Variants in SSPN observed in about 807,000 individuals in gnomAD.
SSPN encodes sarcospan, also known as K-ras oncogene-associated protein.
Under a neutral mutation model 19.1 loss-of-function variants are expected in SSPN, and 15 were observed. The ratio of observed to expected loss-of-function variants is 0.78; its 90% confidence interval spans 0.52 to 1.21. The LOEUF (loss-of-function observed/expected upper bound fraction) is 1.21, where lower values mean the gene tolerates loss of function less well. Among genes scored for constraint, SSPN ranks in the 50% most tolerant of loss-of-function variants. The pLI is 0.00. For synonymous variants in SSPN, 147 were observed against 140.3 expected (o/e 1.05, Z -0.34); for missense variants, 291 against 314.0 (o/e 0.93, Z 0.55).
At chr12:26,201,035 A>AT (rs1444272315) in intron 1 of SSPN, among the ~76,000 whole-genome samples, 3 of 56,238 alleles carry the variant, frequency 5.3e-5, no homozygotes, top group Non-Finnish European at 1.0e-4. Flanking sequence ...ATATATATAT[A>AT]TATATATATA....
chr12:26,193,300 C>T (rs1944800259), upstream of SSPN, among the ~76,000 whole-genome samples: 2 of 152,150 alleles, frequency 1.3e-5, no homozygotes, highest in South Asian at 4.1e-4. Context: ...ACATCTGGTT[C>T]CACTTACCCC....
intron 1 of SSPN, chr12:26,211,609 C>T (rs1345250135): frequency 2.0e-5 from 3 of 152,204 alleles, no homozygotes; most frequent in African/African-American, 7.2e-5. Flanking sequence ...CTCCTCTCAT[C>T]CAGCTGCTGG....
chr12:26,213,158 A>G (rs986562523), intron 1 of SSPN, among the ~76,000 whole-genome samples: 8 of 152,100 alleles, frequency 5.3e-5, no homozygotes, highest in Non-Finnish European at 1.2e-4. Context: ...AATGATTGTC[A>G]TTGTAAAACC....
At chr12:26,170,389 G>A (rs79654336) in intron 1 of SSPN, among the ~76,000 whole-genome samples, 5,344 of 152,224 alleles carry the variant, frequency 0.035, 148 homozygotes, top group Middle Eastern at 0.058. Flanking sequence ...TAATTCCGAT[G>A]GCTCTAAGTA....
rs10400499 is a variant in SSPN, at chr12:26,173,578, T to C, written c.-30-50715T>C. Reference sequence around the variant, plus strand: ...TCTCCTTACTCTTATAGGTTTCTTCTTTTTTCTCTTCCTGTTTTACTACTT... The same window carrying C: ...TCTCCTTACTCTTATAGGTTTCTTCCTTTTTCTCTTCCTGTTTTACTACTT... On this transcript the variant is annotated intron_variant, in intron 1 of 2. Coordinates refer to the SSPN transcript ENST00000538142. Among the ~76,000 whole-genome samples the C allele has an allele frequency of 4.5e-3, 685 of 152,300 alleles. 2 individuals are homozygous for C. The highest frequency in any genetic ancestry group is 0.015 in the African/African-American group (619 of 41,568).
At chr12:26,147,267 G>T (rs11048418) in intron 1 of SSPN, among the ~76,000 whole-genome samples, 67,294 of 132,050 alleles carry the variant, frequency 0.51, 17,506 homozygotes, top group African/African-American at 0.74. Context: ...AATTTTTGGG[G>T]TTTTTTTTGT....
At chr12:26,182,068 G>A (rs930273433) in intron 1 of SSPN, among the ~76,000 whole-genome samples, 3 of 152,216 alleles carry the variant, frequency 2.0e-5, no homozygotes, top group Non-Finnish European at 4.4e-5. Context: ...TTGTTTAGAG[G>A]TGAGTAAATC....
At chr12:26,226,269 G>A (rs895271846) in intron 2 of SSPN, among the ~76,000 whole-genome samples, 1 of 151,980 alleles carries the variant, frequency 6.6e-6, no homozygotes, top group Non-Finnish European at 1.5e-5. Flanking sequence ...TCACACTACT[G>A]GGGGGGCGAA....
intron 1 of SSPN, chr12:26,123,030 A>AGCTGG: frequency 6.3e-7 from 1 of 1,574,892 alleles, no homozygotes; most frequent in South Asian, 1.2e-5. Context: ...GTGGTTGATC[A>AGCTGG]GCTGGACACA....
chr12:26,149,890 G>A (rs1944514960), intron 1 of SSPN, among the ~76,000 whole-genome samples: 1 of 152,020 alleles, frequency 6.6e-6, no homozygotes, highest in Non-Finnish European at 1.5e-5. Flanking sequence ...GAGCCTTTAA[G>A]TGAACCATGA....
intron 1 of SSPN, among the ~76,000 whole-genome samples, chr12:26,167,097 G>T (rs188761832): frequency 4.2e-4 from 64 of 152,238 alleles, no homozygotes; most frequent in Non-Finnish European, 7.3e-4. Context: ...ATAAATCAGA[G>T]CACCAACCTG....
intron 1 of SSPN, among the ~76,000 whole-genome samples, chr12:26,182,171 A>G (rs1052992101): frequency 6.6e-6 from 1 of 152,202 alleles, no homozygotes; most frequent in South Asian, 2.1e-4. Context: ...ACCACGGGTT[A>G]GTCAAACAAC....
chr12:26,201,796 T>C (rs1591877857), intron 1 of SSPN, among the ~76,000 whole-genome samples: 2 of 152,328 alleles, frequency 1.3e-5, no homozygotes, highest in South Asian at 4.1e-4. Flanking sequence ...AATAATTTAT[T>C]CTCTTACTTT....
chr12:26,196,868 A>G (rs137917008), intron 1 of SSPN, among the ~76,000 whole-genome samples: 21 of 152,348 alleles, frequency 1.4e-4, no homozygotes, highest in African/African-American at 5.1e-4. Flanking sequence ...ATGCTAGACT[A>G]TATCTGCGTT....
At chr12:26,134,002 C>A (rs1318149932) in intron 1 of SSPN, among the ~76,000 whole-genome samples, 1 of 152,178 alleles carries the variant, frequency 6.6e-6, no homozygotes, top group African/African-American at 2.4e-5. Context: ...AGCAATTTTT[C>A]TGTTCGTGTC....
intron 1 of SSPN, among the ~76,000 whole-genome samples, chr12:26,213,398 C>T (rs989017044): frequency 6.6e-6 from 1 of 152,026 alleles, no homozygotes; most frequent in Non-Finnish European, 1.5e-5. Context: ...ATGATGAAAC[C>T]GAGGCTCCAA....
At chr12:26,176,009 G>A (rs1462828301) in intron 1 of SSPN, among the ~76,000 whole-genome samples, 3 of 152,050 alleles carry the variant, frequency 2.0e-5, no homozygotes, top group East Asian at 1.9e-4. Flanking sequence ...GCTAATTTTT[G>A]TAATTTTAGT....
intron 1 of SSPN, among the ~76,000 whole-genome samples, chr12:26,184,841 G>A (rs922261130): frequency 6.6e-6 from 1 of 152,086 alleles, no homozygotes; most frequent in Non-Finnish European, 1.5e-5. Flanking sequence ...AATGTAATAT[G>A]CTCATGAGAA....
chr12:26,159,675 A>G (rs1470150868), intron 1 of SSPN, among the ~76,000 whole-genome samples: 1 of 152,242 alleles, frequency 6.6e-6, no homozygotes, highest in African/African-American at 2.4e-5. Flanking sequence ...GTGTGAATGC[A>G]GGAATAGGTA....
Sources: gnomAD v4.1 joint callset for allele counts (sites outside exome capture counted in the v4.1 genomes callset) on GRCh38, gnomAD v4.1.1 for gene constraint, MANE v1.5 for transcripts, NCBI Gene and HGNC (gene_info 2026-07-23, HGNC 2026-07-21) for gene names.